The following RGS6 variants were observed in gnomAD, a reference collection of about 807,000 sequenced individuals.
RGS6 encodes the protein regulator of G-protein signaling 6.
Under a neutral mutation model 78.5 loss-of-function variants are expected in RGS6, and 30 were observed. That is an observed-to-expected ratio of 0.38 (90% CI 0.29 to 0.52). The LOEUF (loss-of-function observed/expected upper bound fraction) is 0.52, where lower values mean the gene tolerates loss of function less well. Ranked by LOEUF, RGS6 falls within the 20% of genes least tolerant of loss-of-function variation. The pLI, the probability that RGS6 is intolerant of heterozygous loss-of-function variation, is 0.85. For missense variants in RGS6, 495 were observed against 609.7 expected, an observed-to-expected ratio of 0.81 and a Z score of 1.98; for synonymous variants, 206 against 206.0, an observed-to-expected ratio of 1.00 and a Z score of 0.00.
At chr14:72,018,069 C>T (rs2087469318) in intron 2 of RGS6, among the ~76,000 whole-genome samples, 1 of 152,154 alleles carries the variant, frequency 6.6e-6, no homozygotes. Flanking sequence ...ATGACGGCTT[C>T]CAGCTCCATC....
intron 4 of RGS6, among the ~76,000 whole-genome samples, chr14:72,455,132 T>C (rs973154475): frequency 6.8e-6 from 1 of 147,286 alleles, no homozygotes; most frequent in African/African-American, 2.5e-5. Flanking sequence ...AAAATTTATT[T>C]TCACAGTGTA....
chr14:72,242,762 G>A (rs1249065273), intron 2 of RGS6, among the ~76,000 whole-genome samples: 1 of 151,400 alleles, frequency 6.6e-6, no homozygotes, highest in East Asian at 1.9e-4. Flanking sequence ...ATGGACAAGG[G>A]TGAATAGTAG....
the RGS6 span, among the ~76,000 whole-genome samples, chr14:71,898,229 C>T: frequency 1.3e-5 from 2 of 152,322 alleles, no homozygotes; most frequent in African/African-American, 4.8e-5. Flanking sequence ...AGAACTTACT[C>T]ATTCAGTCTA....
intron 2 of RGS6, among the ~76,000 whole-genome samples, chr14:72,261,179 G>T (rs2058086411): frequency 6.6e-6 from 1 of 152,182 alleles, no homozygotes; most frequent in Admixed American, 6.5e-5. Context: ...GGATGTGACT[G>T]CCTGCCTTGC....
intron 3 of RGS6, among the ~76,000 whole-genome samples, chr14:72,448,809 A>C (rs1168994512): frequency 6.6e-6 from 1 of 152,230 alleles, no homozygotes; most frequent in Non-Finnish European, 1.5e-5. Context: ...TAAGAGACAC[A>C]GAATAGTATA....
rs2094024511 is a variant in RGS6 at position 71,974,924 on chromosome 14, T to C, written c.84+10049T>C. 2.0e-5 allele frequency among the ~76,000 whole-genome samples: 3 copies of C among 152,344 alleles called. No individual in the cohort carries two copies. In the South Asian group the frequency reaches 6.2e-4, roughly 32 times the overall value. ...GGGAGGCCGAGGCAGGAAGATCACTTGGCCCAAGAGTTTGAGGCCAGTCTG... is the reference window on the plus strand; with the variant it reads ...GGGAGGCCGAGGCAGGAAGATCACTCGGCCCAAGAGTTTGAGGCCAGTCTG... On this transcript the variant is annotated intron_variant, in intron 2 of 17. Transcript: ENST00000553525.
At chr14:72,485,796 C>T (rs2096477981) in intron 12 of RGS6, among the ~76,000 whole-genome samples, 1 of 152,222 alleles carries the variant, frequency 6.6e-6, no homozygotes, top group African/African-American at 2.4e-5. Flanking sequence ...CCAGGGCCTT[C>T]AGTGCCTCCA....
chr14:72,024,159 G>C (rs904491419), intron 2 of RGS6, among the ~76,000 whole-genome samples: 10 of 116,430 alleles, frequency 8.6e-5, no homozygotes, highest in Admixed American at 9.5e-5. Context: ...ATTCTGCCCT[G>C]TCATTTCTGG....
At chr14:72,449,015 A>G (rs2095432086) in intron 3 of RGS6, among the ~76,000 whole-genome samples, 1 of 152,066 alleles carries the variant, frequency 6.6e-6, no homozygotes, top group South Asian at 2.1e-4. Context: ...AGGAAATGTC[A>G]CTCCGCCTTC....
At chr14:71,871,537 A>G in the RGS6 span, among the ~76,000 whole-genome samples, 1 of 152,114 alleles carries the variant, frequency 6.6e-6, no homozygotes, top group South Asian at 2.1e-4. Flanking sequence ...ATTCCCAAAA[A>G]GCTGACTCCC....
chr14:72,010,516 C>G (rs1291393441), intron 2 of RGS6, among the ~76,000 whole-genome samples: 1 of 152,138 alleles, frequency 6.6e-6, no homozygotes, highest in Admixed American at 6.6e-5. Context: ...CAGGTATACA[C>G]ATAGACCGCC....
Position 72,474,521 on chromosome 14 carries a change from T to C in RGS6, c.619-104T>C, listed in dbSNP as rs549351484. ...ATGGAAAAAAAAATCATGCATTGTC[T>C]GTAATGGAAAAAGATAAAGATTGGT... On this transcript the variant is annotated intron_variant, in intron 9 of 17. Transcript: ENST00000553525. The C allele has an allele frequency of 2.4e-5, 25 of 1,037,896 alleles. No individual in the cohort carries two copies. The South Asian group carries it at 3.3e-4, about 14-fold the overall frequency. 64.3% of individuals were successfully genotyped at this position (1,037,896 alleles called of 1,614,324 possible). A position where few individuals can be genotyped will look rare whatever the true frequency, so the allele number is the denominator to read the frequency against.
intron 17 of RGS6, chr14:72,541,718 C>A: frequency 7.5e-7 from 1 of 1,335,658 alleles, no homozygotes; most frequent in Non-Finnish European, 1.0e-6. Flanking sequence ...CCAAGGGTGC[C>A]TGTGTAAGCA....
rs186664664 is a variant in RGS6, at chr14:72,113,705, T to A, written c.84+148830T>A. ...GGGGCAGCTGGGATGGCTCTGTTCCTCAGGCCTGTCACTCTCCTTGGACGG... is the reference window on the plus strand; with the variant it reads ...GGGGCAGCTGGGATGGCTCTGTTCCACAGGCCTGTCACTCTCCTTGGACGG... On this transcript the variant is annotated intron_variant, in intron 2 of 17. Coordinates refer to ENST00000553525, the MANE Select transcript of RGS6 (RefSeq NM_001204424.2). Among the ~76,000 whole-genome samples, 224 of 152,302 alleles carry A rather than the reference T, an allele frequency of 1.5e-3. 2 individuals are homozygous for A. The highest frequency in any genetic ancestry group is 5.1e-3 in the African/African-American group (213 of 41,570).
chr14:72,156,979 C>T (rs149684), intron 2 of RGS6, among the ~76,000 whole-genome samples: 15,131 of 152,158 alleles, frequency 0.099, 855 homozygotes, highest in East Asian at 0.28. Context: ...GATGGGGAGG[C>T]TGGCTCTGAA....
chr14:72,540,319 C>A (rs578253747), intron 17 of RGS6: 1 of 1,473,374 alleles, frequency 6.8e-7, no homozygotes, highest in Non-Finnish European at 8.9e-7. Context: ...AGAAGGTGCA[C>A]CCTTGATCGC....
intron 2 of RGS6, among the ~76,000 whole-genome samples, chr14:72,289,161 C>G (rs1188542375): frequency 6.6e-6 from 1 of 152,162 alleles, no homozygotes; most frequent in South Asian, 2.1e-4. Context: ...AGGAAATAGT[C>G]CACGGTAGAT....
intron 6 of RGS6, among the ~76,000 whole-genome samples, chr14:72,460,078 A>G (rs890256587): frequency 1.3e-5 from 2 of 152,188 alleles, no homozygotes; most frequent in South Asian, 2.1e-4. Context: ...TTCTGTTCTC[A>G]TAGACTTGTC....
intron 2 of RGS6, among the ~76,000 whole-genome samples, chr14:72,103,382 C>T (rs2095566310): frequency 6.6e-6 from 1 of 152,174 alleles, no homozygotes; most frequent in Non-Finnish European, 1.5e-5. Context: ...GTGGAAAAGT[C>T]CCATTTTATC....
Sources: gnomAD v4.1 joint callset for allele counts (sites outside exome capture counted in the v4.1 genomes callset) on GRCh38, gnomAD v4.1.1 for gene constraint, MANE v1.5 for transcripts, NCBI Gene and HGNC (gene_info 2026-07-23, HGNC 2026-07-21) for gene names.